The following ITPR2 variants were observed in gnomAD, a reference collection of about 807,000 sequenced individuals.
ITPR2 encodes the protein inositol 1,4,5-trisphosphate receptor type 2, also known as inositol 1,4,5-trisphosphate-gated calcium channel ITPR2.
ITPR2 carries 207 observed loss-of-function variants against 317.1 expected under a neutral mutation model. The ratio of observed to expected loss-of-function variants is 0.65; its 90% confidence interval spans 0.58 to 0.73. The LOEUF (loss-of-function observed/expected upper bound fraction) is 0.73. Among genes scored for constraint, ITPR2 ranks in the 30% least tolerant of loss-of-function variants. ITPR2 has a pLI of 0.00. For missense variants in ITPR2, 2,613 were observed against 3,284.0 expected, an observed-to-expected ratio of 0.80 and a Z score of 4.99; for synonymous variants, 1,156 against 1,149.1, an observed-to-expected ratio of 1.01 and a Z score of -0.12.
Position 26,758,220 on chromosome 12 carries a change from C to T in ITPR2, c.163+31937G>A, listed in dbSNP as rs565634904. Among the ~76,000 whole-genome samples, 8 of 152,236 alleles carry T rather than the reference C, an allele frequency of 5.3e-5. No individual in the cohort carries two copies. The East Asian group carries it at 1.5e-3, about 29-fold the overall frequency. ...TTCTTACTTCCTTAGAGATAGTATA[C>T]ATAAAAGCATATTTTAAGTATTCAT... On this transcript the variant is annotated intron_variant, in intron 2 of 56. Coordinates refer to ENST00000381340, the MANE Select transcript of ITPR2 (RefSeq NM_002223.4).
chr12:26,361,995 A>G (rs1295422445), intron 55 of ITPR2, among the ~76,000 whole-genome samples: 1 of 152,216 alleles, frequency 6.6e-6, no homozygotes, highest in African/African-American at 2.4e-5. Flanking sequence ...TTATTCTCTA[A>G]TTCACAATAA....
rs1298184018 is a variant in ITPR2, at chr12:26,602,619, C to T, written c.3550G>A (p.Glu1184Lys). 1 of 1,606,604 alleles carries T rather than the reference C, an allele frequency of 6.2e-7. No individual in the cohort carries two copies. ...AAGAATATTTTGTATCTGCCGACCT[C>T]CTTTACAATCCGGTAGTTATTGCTC... ...NKSNNYRIVK[E>K]ILIRLSKLCV... is the part of the protein sequence containing the mutation. The change falls in exon 27 of 57, where the codon GAG becomes AAG. Residue 1184 changes from glutamate to lysine, a missense_variant and splice_region_variant. Transcript: ENST00000381340.
rs773730966 is a variant in ITPR2 at position 26,561,944 on chromosome 12, G to A, written c.4639C>T (p.Arg1547Cys). 14 of 1,505,366 alleles carry A rather than the reference G, an allele frequency of 9.3e-6. No individual in the cohort carries two copies. Among genetic ancestry groups the A allele is most frequent in the East Asian group, 2.5e-5 (1 of 39,464 alleles). The allele number at this position is 1,505,366 out of a possible 1,614,324, so 93.3% of individuals were successfully genotyped here. A position where few individuals can be genotyped will look rare whatever the true frequency, so the allele number is the denominator to read the frequency against. ...IRTLAEVAKN[R>C]GIAIPVDLDS... ...AAATCCACTGGAATGGCAATTCCACGATTTTTTGCTGAAAAAGAAAGATTT... is the reference window on the plus strand; with the variant it reads ...AAATCCACTGGAATGGCAATTCCACAATTTTTTGCTGAAAAAGAAAGATTT... The change falls in exon 35 of 57, where the codon CGT (arginine) becomes TGT (cysteine). Residue 1547 changes from arginine to cysteine, a missense_variant. Arg to Cys is a radical substitution (Grantham distance 180, BLOSUM62 -3). Around this residue, in one of 9 missense-constraint regions of ITPR2, gnomAD observed 926 missense variants for 1,072.8 expected, o/e 0.86. Coordinates refer to ENST00000381340, the MANE Select transcript of ITPR2 (RefSeq NM_002223.4).
intron 2 of ITPR2, among the ~76,000 whole-genome samples, chr12:26,761,168 G>A (rs1258225358): frequency 2.6e-5 from 4 of 151,820 alleles, no homozygotes; most frequent in Non-Finnish European, 5.9e-5. Context: ...ATAGATTCAA[G>A]CACCAGACTC....
At chr12:26,434,120 G>GA (rs1434984285) in intron 48 of ITPR2, among the ~76,000 whole-genome samples, 1 of 152,038 alleles carries the variant, frequency 6.6e-6, no homozygotes, top group East Asian at 1.9e-4. Context: ...GAATGGCTTT[G>GA]AAAAATCCGT....
At chr12:26,735,987 T>G (rs1402557731) in intron 2 of ITPR2, among the ~76,000 whole-genome samples, 1 of 152,230 alleles carries the variant, frequency 6.6e-6, no homozygotes, top group Non-Finnish European at 1.5e-5. Flanking sequence ...TCCTATTAGA[T>G]AACATGTTTA....
At chr12:26,569,440 G>A (rs1437419897) in intron 34 of ITPR2, among the ~76,000 whole-genome samples, 1 of 151,798 alleles carries the variant, frequency 6.6e-6, no homozygotes. Flanking sequence ...TATAGTCCCA[G>A]CTACTCGGGA....
intron 2 of ITPR2, among the ~76,000 whole-genome samples, chr12:26,785,103 C>T (rs1305944063): frequency 0.024 from 1,047 of 43,474 alleles, 39 homozygotes; most frequent in African/African-American, 0.057. Flanking sequence ...GCCCCTCCGT[C>T]CGGCAGCCAC....
At chr12:26,710,690 C>A (rs191229877) in intron 9 of ITPR2, among the ~76,000 whole-genome samples, 12 of 152,218 alleles carry the variant, frequency 7.9e-5, no homozygotes, top group Admixed American at 5.2e-4. Flanking sequence ...AGCTTTTGTA[C>A]GTTTTTACCA....
At chr12:26,395,993 G>C (rs745368281) in intron 54 of ITPR2, among the ~76,000 whole-genome samples, 21 of 152,160 alleles carry the variant, frequency 1.4e-4, no homozygotes, top group Non-Finnish European at 2.5e-4. Flanking sequence ...CAGACATGTA[G>C]TAAGTATTCA....
At chr12:26,492,895 A>ATGTGTGTG (rs36164391) in intron 39 of ITPR2, among the ~76,000 whole-genome samples, 2 of 140,664 alleles carry the variant, frequency 1.4e-5, no homozygotes, top group South Asian at 2.3e-4. Flanking sequence ...ATTGCACGAT[A>ATGTGTGTG]TGTGTGTGTG....
intron 54 of ITPR2, among the ~76,000 whole-genome samples, chr12:26,396,486 C>T (rs1354839747): frequency 6.6e-6 from 1 of 152,176 alleles, no homozygotes; most frequent in Non-Finnish European, 1.5e-5. Context: ...CTTCCACAGG[C>T]CACCCCTTCC....
In ITPR2 at chr12:26,628,016, C is replaced by T. The variant is rs1219863042; in HGVS notation, c.3064+17G>A. 1 of 1,586,222 alleles carries T rather than the reference C, an allele frequency of 6.3e-7. No individual in the cohort carries two copies. Among genetic ancestry groups the T allele is most frequent in the South Asian group, 1.2e-5 (1 of 85,410 alleles). On this transcript the variant is annotated intron_variant, in intron 23 of 56. Transcript: ENST00000381340. Reference sequence around the variant, plus strand: ...AAAAATAAAATAAAAAGAGTAAATACTGTCACAAAAAGATACCTGATGGTA... The same window carrying T: ...AAAAATAAAATAAAAAGAGTAAATATTGTCACAAAAAGATACCTGATGGTA...
chr12:26,562,315 T>A (rs1944840465), intron 34 of ITPR2, among the ~76,000 whole-genome samples: 1 of 152,170 alleles, frequency 6.6e-6, no homozygotes, highest in Non-Finnish European at 1.5e-5. Flanking sequence ...ATTCTTCCAC[T>A]CCATTCATTA....
chr12:26,466,427 G>T (rs1401482553), intron 45 of ITPR2, among the ~76,000 whole-genome samples: 1 of 152,042 alleles, frequency 6.6e-6, no homozygotes, highest in Non-Finnish European at 1.5e-5. Flanking sequence ...CAAGGCCTCG[G>T]GTATACTTAG....
At chr12:26,769,729 T>G (rs1055829323) in intron 2 of ITPR2, among the ~76,000 whole-genome samples, 2 of 152,128 alleles carry the variant, frequency 1.3e-5, no homozygotes, top group African/African-American at 4.8e-5. Context: ...TACTAGAGAA[T>G]AGGTAAAAAG....
At chr12:26,581,606 A>G (rs1163604820) in intron 32 of ITPR2, among the ~76,000 whole-genome samples, 3 of 152,164 alleles carry the variant, frequency 2.0e-5, no homozygotes, top group Non-Finnish European at 4.4e-5. Flanking sequence ...AAGAGGGATT[A>G]AGGACTCTTA....
At chr12:26,470,837 C>G (rs1046379486) in intron 45 of ITPR2, among the ~76,000 whole-genome samples, 1 of 152,116 alleles carries the variant, frequency 6.6e-6, no homozygotes, top group Non-Finnish European at 1.5e-5. Context: ...ATCAGTGTGG[C>G]AGACAAAGAT....
intron 23 of ITPR2, among the ~76,000 whole-genome samples, chr12:26,624,875 T>C (rs934450926): frequency 6.6e-6 from 1 of 152,120 alleles, no homozygotes; most frequent in Non-Finnish European, 1.5e-5. Flanking sequence ...GTCAAAGAGA[T>C]ATCTGCATTT....
Sources: allele counts gnomAD v4.1 joint callset (sites outside exome capture counted in the v4.1 genomes callset), GRCh38; gene constraint gnomAD v4.1.1; regional missense constraint gnomAD v4.1.1; transcripts MANE v1.5; gene names NCBI Gene and HGNC (gene_info 2026-07-23, HGNC 2026-07-21).